PIP5K1B: variants seen among roughly 807,000 people sequenced by gnomAD.
PIP5K1B encodes phosphatidylinositol 4-phosphate 5-kinase type-1 beta.
Under a neutral mutation model 67.0 loss-of-function variants are expected in PIP5K1B, and 42 were observed. The observed-to-expected ratio is 0.63, with a 90% confidence interval of 0.49 to 0.81. The LOEUF (loss-of-function observed/expected upper bound fraction) is 0.81. PIP5K1B is among the 30% of genes least tolerant of loss of function. The pLI is 0.00. For synonymous variants in PIP5K1B, 214 were observed against 231.4 expected (o/e 0.92, Z 0.68); for missense variants, 459 against 646.3 (o/e 0.71, Z 3.14).
At chr9:68,947,777 A>G (rs1007291440) in intron 14 of PIP5K1B, among the ~76,000 whole-genome samples, 3 of 152,252 alleles carry the variant, frequency 2.0e-5, no homozygotes, top group Non-Finnish European at 4.4e-5. Flanking sequence ...GTATTTACCA[A>G]TAAGTCTGTC....
At chr9:68,852,243 AAAAG>A (rs1822528740) in intron 4 of PIP5K1B, among the ~76,000 whole-genome samples, 1 of 152,160 alleles carries the variant, frequency 6.6e-6, no homozygotes, top group Non-Finnish European at 1.5e-5. Context: ...AAAAAAGAAA[AAAAG>A]AAAGACTCTG....
At chr9:68,744,165 T>C (rs1369615471) in intron 2 of PIP5K1B, among the ~76,000 whole-genome samples, 2 of 152,208 alleles carry the variant, frequency 1.3e-5, no homozygotes, top group African/African-American at 4.8e-5. Context: ...GGATGGACAA[T>C]GTTACAAGGT....
intron 4 of PIP5K1B, chr9:68,824,305 G>A: frequency 1.9e-6 from 1 of 513,572 alleles, no homozygotes; most frequent in South Asian, 1.4e-5. Flanking sequence ...AAAAGTTATA[G>A]AAAAAATGTG....
At chr9:68,973,634 AG>A (rs1829498743) in intron 14 of PIP5K1B, among the ~76,000 whole-genome samples, 1 of 152,220 alleles carries the variant, frequency 6.6e-6, no homozygotes, top group Non-Finnish European at 1.5e-5. Context: ...TTCTTAACCA[AG>A]GGCCTAATCA....
chr9:69,008,644 C>G lies in PIP5K1B; in HGVS notation c.*195C>G, dbSNP rs552480222. ...CAGATGGGATGTGAAAAATACTACC[C>G]TATTCTATCATTTGCTGTTGCTTGC... On this transcript the variant is annotated 3_prime_UTR_variant, in exon 16 of 16. Coordinates refer to ENST00000265382, the MANE Select transcript of PIP5K1B (RefSeq NM_003558.4). The G allele has an allele frequency of 5.1e-5, 31 of 612,842 alleles. No homozygotes were observed. The highest frequency in any genetic ancestry group is 3.4e-4 in the Admixed American group (15 of 43,492). 38.0% of individuals were successfully genotyped at this position (612,842 alleles called of 1,614,324 possible).
intron 14 of PIP5K1B, among the ~76,000 whole-genome samples, chr9:68,977,235 T>C (rs773775627): frequency 1.1e-4 from 16 of 152,244 alleles, no homozygotes; most frequent in Non-Finnish European, 1.9e-4. Context: ...GAAATTACTT[T>C]GATGGGCCTA....
chr9:68,935,436 C>G (rs1239556905), intron 13 of PIP5K1B, among the ~76,000 whole-genome samples: 1 of 152,090 alleles, frequency 6.6e-6, no homozygotes, highest in African/African-American at 2.4e-5. Flanking sequence ...CCATTGCATT[C>G]CAGCCTGGGC....
intron 15 of PIP5K1B, among the ~76,000 whole-genome samples, chr9:68,995,662 A>G (rs941052524): frequency 8.5e-5 from 13 of 152,080 alleles, no homozygotes; most frequent in Non-Finnish European, 1.8e-4. Context: ...AAAATTAGCT[A>G]GGCGTGGTGG....
intron 2 of PIP5K1B, among the ~76,000 whole-genome samples, chr9:68,772,761 G>C (rs966951157): frequency 6.6e-6 from 1 of 152,066 alleles, no homozygotes; most frequent in African/African-American, 2.4e-5. Flanking sequence ...TAGCCTTAGG[G>C]AAGAAGATGA....
intron 6 of PIP5K1B, among the ~76,000 whole-genome samples, chr9:68,879,178 CT>C (rs1159090495): frequency 6.6e-6 from 1 of 152,156 alleles, no homozygotes; most frequent in African/African-American, 2.4e-5. Context: ...GAATCCTTGT[CT>C]TTTAGAAGAT....
rs2132250226 is a variant in PIP5K1B at position 68,716,130 on chromosome 9, G to A, written c.-243+10368G>A. Among the ~76,000 whole-genome samples, 2 of 152,326 alleles carry A rather than the reference G, an allele frequency of 1.3e-5. 1 individual carries two copies. Among genetic ancestry groups the A allele is most frequent in the South Asian group, 4.1e-4 (2 of 4,830 alleles). On this transcript the variant is annotated intron_variant, in intron 1 of 15. Coordinates refer to ENST00000265382, the MANE Select transcript of PIP5K1B (RefSeq NM_003558.4). ...TAAAAGGAAGGAAAGCAGAGCAAGA[G>A]ATGTGAAGGAATGGGAATGATTATT...
chr9:68,843,433 G>A (rs959109706), intron 4 of PIP5K1B, among the ~76,000 whole-genome samples: 5 of 152,134 alleles, frequency 3.3e-5, no homozygotes, highest in African/African-American at 1.2e-4. Context: ...CATATTTGGG[G>A]GTTTTCCCCA....
At chr9:68,892,891 A>G (rs766658184) in intron 7 of PIP5K1B, among the ~76,000 whole-genome samples, 1 of 152,032 alleles carries the variant, frequency 6.6e-6, no homozygotes, top group Non-Finnish European at 1.5e-5. Context: ...GCCGACATAT[A>G]GTGAAACCCT....
chr9:68,716,076 A>G (rs530910578), intron 1 of PIP5K1B, among the ~76,000 whole-genome samples: 112 of 152,344 alleles, frequency 7.4e-4, no homozygotes, highest in South Asian at 1.2e-3. Flanking sequence ...TGTGTGGATT[A>G]CTTATTTTAA....
chr9:68,794,265 T>C (rs1832162223), intron 2 of PIP5K1B, among the ~76,000 whole-genome samples: 1 of 152,200 alleles, frequency 6.6e-6, no homozygotes, highest in Non-Finnish European at 1.5e-5. Context: ...AAAAAGGAAC[T>C]GAAGCGAAAG....
At chr9:68,936,499 G>C (rs2132616619) in intron 13 of PIP5K1B, among the ~76,000 whole-genome samples, 1 of 151,936 alleles carries the variant, frequency 6.6e-6, no homozygotes, top group South Asian at 2.1e-4. Flanking sequence ...TTTTCTATTA[G>C]TATATTCTTT....
intron 2 of PIP5K1B, among the ~76,000 whole-genome samples, chr9:68,787,720 C>T (rs1831709701): frequency 6.6e-6 from 1 of 152,086 alleles, no homozygotes; most frequent in Admixed American, 6.5e-5. Context: ...GCAACCTCCG[C>T]CTCCCGGGTT....
At chr9:68,962,390 A>G (rs1828801033) in intron 14 of PIP5K1B, among the ~76,000 whole-genome samples, 1 of 152,188 alleles carries the variant, frequency 6.6e-6, no homozygotes, top group African/African-American at 2.4e-5. Flanking sequence ...AAATCATAAG[A>G]CTTATGATTA....
chr9:68,990,110 C>G (rs1830293395), intron 14 of PIP5K1B, among the ~76,000 whole-genome samples: 1 of 152,196 alleles, frequency 6.6e-6, no homozygotes, highest in Non-Finnish European at 1.5e-5. Flanking sequence ...ATTCCTTTGG[C>G]TTTTGGTATT....
Sources: gnomAD v4.1 joint callset for allele counts (sites outside exome capture counted in the v4.1 genomes callset) on GRCh38, gnomAD v4.1.1 for gene constraint, MANE v1.5 for transcripts, NCBI Gene and HGNC (gene_info 2026-07-23, HGNC 2026-07-21) for gene names.